The following CBLN2 variants were observed in gnomAD, a reference collection of about 807,000 sequenced individuals.
CBLN2 encodes cerebellin-2.
CBLN2 carries 7 observed loss-of-function variants against 15.0 expected under a neutral mutation model. The observed-to-expected ratio is 0.47, with a 90% confidence interval of 0.27 to 0.88. The LOEUF (loss-of-function observed/expected upper bound fraction) is 0.88. Among genes scored for constraint, CBLN2 ranks in the 40% least tolerant of loss-of-function variants. CBLN2 has a pLI of 0.14. For synonymous variants in CBLN2, 149 were observed against 135.2 expected, an observed-to-expected ratio of 1.10 and a Z score of -0.71; for missense variants, 242 against 304.5, an observed-to-expected ratio of 0.79 and a Z score of 1.53.
At chr18:72,550,397 G>T (rs983925991) in intron 1 of CBLN2, among the ~76,000 whole-genome samples, 16 of 152,190 alleles carry the variant, frequency 1.1e-4, no homozygotes, top group Admixed American at 2.6e-4. Flanking sequence ...AAACCTCAAT[G>T]AATCAAAATG....
intron 1 of CBLN2, among the ~76,000 whole-genome samples, chr18:72,608,220 T>C (rs967704965): frequency 2.6e-5 from 4 of 152,206 alleles, no homozygotes; most frequent in African/African-American, 9.6e-5. Flanking sequence ...TCCATTCCTT[T>C]CCTTCATAGC....
intron 1 of CBLN2, among the ~76,000 whole-genome samples, chr18:72,551,619 G>T (rs2069192754): frequency 6.6e-6 from 1 of 152,018 alleles, no homozygotes; most frequent in African/African-American, 2.4e-5. Flanking sequence ...ACTAATGTGT[G>T]GGTCTCTGTG....
chr18:72,630,588 G>GAGAGA (rs1568137265), intron 1 of CBLN2, among the ~76,000 whole-genome samples: 1 of 150,478 alleles, frequency 6.6e-6, no homozygotes, highest in African/African-American at 2.5e-5. Flanking sequence ...GAGAGAGAGA[G>GAGAGA]GCTTTCTGTA....
intron 2 of CBLN2, among the ~76,000 whole-genome samples, chr18:72,542,657 G>T (rs67792236): frequency 2.0e-5 from 3 of 152,014 alleles, no homozygotes; most frequent in Non-Finnish European, 2.9e-5. Flanking sequence ...CGCGGAGGGG[G>T]CTAAGACGCA....
intron 1 of CBLN2, among the ~76,000 whole-genome samples, chr18:72,635,447 C>A (rs2144984310): frequency 6.6e-6 from 1 of 152,200 alleles, no homozygotes; most frequent in South Asian, 2.1e-4. Flanking sequence ...TGAAGAATGC[C>A]TTTCAAAGTA....
At position 72,591,053 on chromosome 18, in the gene CBLN2, G is replaced by GT. The variant is rs201425566; in HGVS notation, c.15+47271dup. 8.5e-5 allele frequency among the ~76,000 whole-genome samples: 13 copies of GT among 152,252 alleles called. No individual in the cohort carries two copies. The East Asian group carries it at 2.5e-3, about 29-fold the overall frequency. ...TCAGCCCATCTCTAGCTGTAAGGGT[G>GT]TTTTTCCTGAATCTAATCATCAATA... On this transcript the variant is annotated intron_variant, in intron 1 of 2. Coordinates refer to the CBLN2 transcript ENST00000581073.
chr18:72,607,004 A>C (rs2069587588), intron 1 of CBLN2, among the ~76,000 whole-genome samples: 1 of 152,234 alleles, frequency 6.6e-6, no homozygotes, highest in South Asian at 2.1e-4. Context: ...ATTATTTGAA[A>C]ATAGTCACTA....
intron 1 of CBLN2, among the ~76,000 whole-genome samples, chr18:72,617,745 T>C (rs892997326): frequency 1.6e-4 from 24 of 152,194 alleles, no homozygotes; most frequent in African/African-American, 5.5e-4. Flanking sequence ...ATTTTCCTCC[T>C]GTCTTCCTCT....
At chr18:72,607,296 C>T (rs1490440775) in intron 1 of CBLN2, among the ~76,000 whole-genome samples, 3 of 152,180 alleles carry the variant, frequency 2.0e-5, no homozygotes, top group African/African-American at 4.8e-5. Flanking sequence ...TTTGTTAAGC[C>T]ATCCTTAGCA....
chr18:72,558,003 G>C (rs1378757672), intron 1 of CBLN2, among the ~76,000 whole-genome samples: 1 of 152,158 alleles, frequency 6.6e-6, no homozygotes, highest in Non-Finnish European at 1.5e-5. Context: ...ACAGAGTGCT[G>C]GCAGAAATGA....
At chr18:72,592,286 A>G (rs894243197) in intron 1 of CBLN2, among the ~76,000 whole-genome samples, 10 of 151,180 alleles carry the variant, frequency 6.6e-5, no homozygotes, top group Non-Finnish European at 1.3e-4. Context: ...ACTGTTTGCC[A>G]TCTGTATGTC....
At chr18:72,614,372 A>G (rs141506053) in intron 1 of CBLN2, among the ~76,000 whole-genome samples, 19 of 152,312 alleles carry the variant, frequency 1.2e-4, no homozygotes, top group Admixed American at 1.3e-4. Flanking sequence ...ATCACAACAG[A>G]TTCTTCAGAG....
intron 1 of CBLN2, among the ~76,000 whole-genome samples, chr18:72,633,963 A>G (rs2069794703): frequency 6.6e-6 from 1 of 152,126 alleles, no homozygotes; most frequent in African/African-American, 2.4e-5. Context: ...GCAATCACAC[A>G]GGGGACAAAC....
intron 1 of CBLN2, among the ~76,000 whole-genome samples, chr18:72,607,938 T>G (rs1227351924): frequency 2.0e-5 from 3 of 152,198 alleles, no homozygotes; most frequent in South Asian, 2.1e-4. Context: ...AGCTGTTTTA[T>G]TTCCAAAGAG....
intron 1 of CBLN2, among the ~76,000 whole-genome samples, chr18:72,619,841 A>C (rs1056660618): frequency 1.3e-5 from 2 of 152,150 alleles, no homozygotes; most frequent in African/African-American, 4.8e-5. Context: ...CCTTAATGGG[A>C]TTTGTGACAG....
At position 72,579,502 on chromosome 18, in the gene CBLN2, G is replaced by A. The variant is rs12607625; in HGVS notation, c.16-40730C>T. On this transcript the variant is annotated intron_variant, in intron 1 of 2. Transcript: ENST00000581073. ...AATCCCAGCACTTTGGGAGGCCGAGGTGGGTGGATCACAAGGTCAGGGGTT... is the reference window on the plus strand; with the variant it reads ...AATCCCAGCACTTTGGGAGGCCGAGATGGGTGGATCACAAGGTCAGGGGTT... Among the ~76,000 whole-genome samples the A allele has an allele frequency of 0.029, 4,437 of 152,168 alleles. 605 individuals are homozygous for A. In the East Asian group the frequency reaches 0.46, roughly 16 times the overall value.
chr18:72,571,755 G>T (rs1286067313), intron 1 of CBLN2, among the ~76,000 whole-genome samples: 2 of 152,178 alleles, frequency 1.3e-5, no homozygotes, highest in African/African-American at 2.4e-5. Flanking sequence ...TGGCCATATG[G>T]AATCTTCCAG....
At chr18:72,553,901 C>T (rs570759519) in intron 1 of CBLN2, among the ~76,000 whole-genome samples, 2 of 152,238 alleles carry the variant, frequency 1.3e-5, no homozygotes, top group African/African-American at 4.8e-5. Context: ...TTGGCTAAAA[C>T]GAGACTTGAA....
upstream of CBLN2, among the ~76,000 whole-genome samples, chr18:72,549,009 A>G (rs924415853): frequency 1.3e-5 from 2 of 151,630 alleles, no homozygotes; most frequent in African/African-American, 4.8e-5. Flanking sequence ...TTATTTATTT[A>G]TTTATTTATT....
Sources: gnomAD v4.1 joint callset for allele counts (sites outside exome capture counted in the v4.1 genomes callset) on GRCh38, gnomAD v4.1.1 for gene constraint, MANE v1.5 for transcripts, NCBI Gene and HGNC (gene_info 2026-07-23, HGNC 2026-07-21) for gene names.